Variants in P3H2 observed in about 807,000 individuals in gnomAD.
P3H2 encodes the protein leprecan-like 1.
Under a neutral mutation model 87.0 loss-of-function variants are expected in P3H2, and 80 were observed. The observed-to-expected ratio is 0.92, with a 90% confidence interval of 0.77 to 1.11. The LOEUF (loss-of-function observed/expected upper bound fraction) is 1.11. P3H2 is among the 50% of genes least tolerant of loss of function. The pLI, the probability that P3H2 is intolerant of heterozygous loss-of-function variation, is 0.00. For synonymous variants in P3H2, 367 were observed against 359.3 expected (o/e 1.02, Z -0.24); for missense variants, 1,001 against 923.9 (o/e 1.08, Z -1.08).
chr3:190,064,245 T>G (rs1241456915), intron 1 of P3H2, among the ~76,000 whole-genome samples: 1 of 151,728 alleles, frequency 6.6e-6, no homozygotes, highest in Non-Finnish European at 1.5e-5. Flanking sequence ...AATCCTGAGC[T>G]CAAGTGATTC....
At chr3:189,966,102 GAAA>G (rs774742349) in intron 13 of P3H2, among the ~76,000 whole-genome samples, 9,117 of 100,526 alleles carry the variant, frequency 0.091, 374 homozygotes, top group East Asian at 0.14. Context: ...AAGAAAGAAA[GAAA>G]AAAGAAAGAA....
At chr3:189,989,121 C>T (rs1189716151) in intron 3 of P3H2, 83 bp from the exon 4 acceptor site, 3 of 1,515,114 alleles carry the variant, frequency 2.0e-6, no homozygotes, top group East Asian at 4.5e-5. Context: ...TTACACAGGT[C>T]ATTCCTCACC....
intron 14 of P3H2, among the ~76,000 whole-genome samples, chr3:189,959,322 G>A (rs1722738564): frequency 6.7e-6 from 1 of 150,102 alleles, no homozygotes; most frequent in South Asian, 2.1e-4. Flanking sequence ...AGTTACATAT[G>A]TATACATGTG....
chr3:190,024,530 C>CAAAAAAAAAAAAAAAAAAAAAAAA (rs71635314), intron 1 of P3H2, among the ~76,000 whole-genome samples: 1 of 52,954 alleles, frequency 1.9e-5, no homozygotes, highest in East Asian at 6.2e-4. Flanking sequence ...GGTTCCCTCT[C>CAAAAAAAAAAAAAAAAAAAAAAAA]AAAAAAAAAA....
intron 1 of P3H2, among the ~76,000 whole-genome samples, chr3:190,103,389 G>A (rs1297203706): frequency 6.6e-6 from 1 of 152,138 alleles, no homozygotes; most frequent in Non-Finnish European, 1.5e-5. Flanking sequence ...ACTTAATCTG[G>A]GACAATGGGT....
At chr3:190,023,081 C>T (rs1724982002) in intron 1 of P3H2, among the ~76,000 whole-genome samples, 1 of 152,140 alleles carries the variant, frequency 6.6e-6, no homozygotes, top group Admixed American at 6.5e-5. Flanking sequence ...CCGCCTTGGC[C>T]TCCCAAAGTG....
At chr3:190,048,734 G>A (rs961673527) in intron 1 of P3H2, among the ~76,000 whole-genome samples, 1 of 152,146 alleles carries the variant, frequency 6.6e-6, no homozygotes, top group Non-Finnish European at 1.5e-5. Context: ...ACAGTAGCAG[G>A]AGATCAGCTA....
chr3:190,120,368 T>C lies in P3H2; in HGVS notation c.364A>G (p.Ser122Gly). Residue 122 changes from serine (S) to glycine (G), a missense_variant, in exon 1 of 15, where the codon AGC (serine) becomes GGC (glycine). Ser to Gly is a moderately conservative substitution (Grantham distance 56). Coordinates refer to ENST00000319332, the MANE Select transcript of P3H2 (RefSeq NM_018192.4). ...SLLGRARCYRSCETQRLGGPA... is the reference protein window; with the variant it reads ...SLLGRARCYRGCETQRLGGPA... ...CCCCCGAGGCGCTGGGTCTCACAGCTGCGATAACAGCGCGCCCGCCCCAAC... is the reference window on the plus strand; with the variant it reads ...CCCCCGAGGCGCTGGGTCTCACAGCCGCGATAACAGCGCGCCCGCCCCAAC... 6.4e-7 allele frequency: 1 copy of C among 1,558,590 alleles called. No individual in the cohort carries two copies. The highest frequency in any genetic ancestry group is 8.6e-7 in the Non-Finnish European group (1 of 1,157,796).
chr3:190,016,843 C>G (rs1724771715), intron 1 of P3H2, among the ~76,000 whole-genome samples: 1 of 152,196 alleles, frequency 6.6e-6, no homozygotes, highest in Admixed American at 6.5e-5. Context: ...CCTTCCAAAA[C>G]AGCCCATTCT....
chr3:190,009,608 C>T (rs1045319213), intron 1 of P3H2, among the ~76,000 whole-genome samples: 4 of 152,140 alleles, frequency 2.6e-5, no homozygotes, highest in Non-Finnish European at 5.9e-5. Context: ...TAAAACGTTT[C>T]ATATTTTGAA....
At chr3:190,017,764 T>C (rs937974700) in intron 1 of P3H2, among the ~76,000 whole-genome samples, 3 of 152,214 alleles carry the variant, frequency 2.0e-5, no homozygotes, top group Non-Finnish European at 4.4e-5. Flanking sequence ...CTACAATCTA[T>C]TTCCTGAAAG....
At position 189,964,001 on chromosome 3, in the gene P3H2, G is replaced by A. The variant is rs1285497442; in HGVS notation, c.1991C>T (p.Ala664Val). Residue 664 changes from alanine (A) to valine (V), a missense_variant, in exon 14 of 15, where the codon GCT becomes GTT. Transcript: ENST00000319332. ...GTCCAAGGTGAACCACAGAGCCACAGCACACCTCTTTCCCTTGGTGACTGC... is the reference window on the plus strand; with the variant it reads ...GTCCAAGGTGAACCACAGAGCCACAACACACCTCTTTCCCTTGGTGACTGC... ...VKAVTKGKRCAVALWFTLDPL... is the reference protein window; with the variant it reads ...VKAVTKGKRCVVALWFTLDPL... The A allele has an allele frequency of 6.2e-7, 1 of 1,614,146 alleles. No individual in the cohort carries two copies. Among genetic ancestry groups the A allele is most frequent in the Admixed American group, 1.7e-5 (1 of 60,026 alleles).
intron 1 of P3H2, among the ~76,000 whole-genome samples, chr3:190,006,783 C>G (rs553781397): frequency 6.6e-6 from 1 of 152,258 alleles, no homozygotes; most frequent in African/African-American, 2.4e-5. Flanking sequence ...AGTAATGTTA[C>G]AGCAGAAATG....
intron 1 of P3H2, among the ~76,000 whole-genome samples, chr3:190,106,903 T>G (rs924919498): frequency 2.0e-5 from 3 of 152,190 alleles, no homozygotes; most frequent in Non-Finnish European, 4.4e-5. Flanking sequence ...ATGAGAAAAT[T>G]TACATAAAGC....
chr3:189,958,068 C>T (rs1722695796), intron 14 of P3H2, 64 bp from the exon 15 acceptor site: 1 of 1,192,590 alleles, frequency 8.4e-7, no homozygotes, highest in African/African-American at 1.5e-5. Flanking sequence ...TCAGCAGACG[C>T]TTCCCAAACA....
At chr3:189,995,068 GT>G (rs546835053) in intron 2 of P3H2, among the ~76,000 whole-genome samples, 3 of 151,664 alleles carry the variant, frequency 2.0e-5, no homozygotes, top group African/African-American at 2.4e-5. Flanking sequence ...TAATTTTTTA[GT>G]TTTTTTATTT....
intron 3 of P3H2, among the ~76,000 whole-genome samples, chr3:189,989,428 A>T (rs1370456788): frequency 2.6e-5 from 4 of 152,140 alleles, no homozygotes; most frequent in Non-Finnish European, 5.9e-5. Context: ...AGTGCCCTGG[A>T]ATCGGGAATG....
At chr3:190,067,007 C>CTTTTTTTTTTTTTTTTTTTTTTTTTT in intron 1 of P3H2, among the ~76,000 whole-genome samples, 1 of 145,110 alleles carries the variant, frequency 6.9e-6, no homozygotes, top group Non-Finnish European at 1.5e-5. Context: ...TTTTAATTTT[C>CTTTTTTTTTTTTTTTTTTTTTTTTTT]TTTCTTTTTT....
intron 1 of P3H2, among the ~76,000 whole-genome samples, chr3:190,075,368 C>T (rs1455285294): frequency 2.6e-5 from 4 of 151,584 alleles, no homozygotes; most frequent in Non-Finnish European, 5.9e-5. Context: ...ACATGTAATC[C>T]CAGCTACTCG....
Sources: gnomAD v4.1 joint callset for allele counts (sites outside exome capture counted in the v4.1 genomes callset) on GRCh38, gnomAD v4.1.1 for gene constraint, MANE v1.5 for transcripts, NCBI Gene and HGNC (gene_info 2026-07-23, HGNC 2026-07-21) for gene names.